PHLPP2: variants seen among roughly 807,000 people sequenced by gnomAD.
The protein encoded by PHLPP2 is PH domain and leucine rich repeat protein phosphatase 2, also known as PH domain leucine-rich repeat-containing protein phosphatase 2.
A neutral mutation model predicts 124.9 loss-of-function variants in PHLPP2; 66 were observed. That is an observed-to-expected ratio of 0.53 (90% CI 0.43 to 0.65). The LOEUF is 0.65. Among genes scored for constraint, PHLPP2 ranks in the 30% least tolerant of loss-of-function variants. The probability of loss-of-function intolerance (pLI) is 0.00; values close to 1 mark genes in which losing one functional copy is unlikely to be tolerated. For missense variants in PHLPP2, 1,685 were observed against 1,600.4 expected (o/e 1.05, Z -0.90); for synonymous variants, 681 against 624.7 (o/e 1.09, Z -1.34).
intron 3 of PHLPP2, among the ~76,000 whole-genome samples, chr16:71,693,275 A>G (rs898205781): frequency 6.6e-6 from 1 of 152,142 alleles, no homozygotes; most frequent in African/African-American, 2.4e-5. Flanking sequence ...GGACAAAGCG[A>G]GACTCTGTCT....
At chr16:71,654,111 C>T (rs1020677378) in intron 17 of PHLPP2, among the ~76,000 whole-genome samples, 7 of 145,640 alleles carry the variant, frequency 4.8e-5, no homozygotes, top group Admixed American at 2.9e-4. Flanking sequence ...AGGAGAATGG[C>T]GTGAACCCGG....
intron 5 of PHLPP2, among the ~76,000 whole-genome samples, chr16:71,682,431 C>A (rs1182133461): frequency 3.3e-5 from 5 of 152,072 alleles, no homozygotes; most frequent in Non-Finnish European, 4.4e-5. Flanking sequence ...AATCCACCCA[C>A]CTCAACCTCC....
chr16:71,659,827 G>A (rs1389447679), intron 13 of PHLPP2, among the ~76,000 whole-genome samples: 1 of 152,116 alleles, frequency 6.6e-6, no homozygotes, highest in Non-Finnish European at 1.5e-5. Flanking sequence ...TTAACATGGA[G>A]AGAAAGTGAA....
chr16:71,649,662 G>A lies in PHLPP2; in HGVS notation c.3200C>T (p.Pro1067Leu). 1 of 1,614,144 alleles carries A rather than the reference G, an allele frequency of 6.2e-7. No homozygotes were observed. Among genetic ancestry groups the A allele is most frequent in the Non-Finnish European group, 8.5e-7 (1 of 1,180,024 alleles). Residue 1067 changes from proline (P) to leucine (L), a missense_variant, in exon 19 of 19, where the codon CCA (proline) becomes CTA (leucine). Pro to Leu is a moderately conservative substitution (Grantham distance 98, BLOSUM62 -3). Coordinates refer to ENST00000568954, the MANE Select transcript of PHLPP2 (RefSeq NM_015020.3). ...STTTIKDAPK[P>L]ATPSSSSGIA... Reference sequence around the variant, plus strand: ...CCCACTGCTAGAGGATGGAGTGGCTGGCTTAGGGGCATCCTTGATAGTGGT... The same window carrying A: ...CCCACTGCTAGAGGATGGAGTGGCTAGCTTAGGGGCATCCTTGATAGTGGT...
chr16:71,685,624 T>C (rs113936481), intron 4 of PHLPP2, among the ~76,000 whole-genome samples: 8 of 152,346 alleles, frequency 5.3e-5, no homozygotes, highest in South Asian at 2.1e-4. Context: ...CCATTTTTCA[T>C]TAGTAACAAA....
chr16:71,696,867 A>G (rs1337845683), intron 3 of PHLPP2, among the ~76,000 whole-genome samples: 3 of 152,018 alleles, frequency 2.0e-5, no homozygotes, highest in African/African-American at 7.2e-5. Context: ...AGGGGTTAAC[A>G]CTGTCATTCA....
In PHLPP2 at chr16:71,649,260, G is replaced by A. The variant is rs769068446; in HGVS notation, c.3602C>T (p.Ser1201Leu). ...TLCSEEHARG[S>L]CFGIRRQNSV... The stretch of plus-strand genomic sequence containing the variant: ...GTTCTGTCTTCGGATCCCAAAACAC[G>A]ACCCTCTAGCATGTTCCTCAGAACA... The change falls in exon 19 of 19, where the codon TCG becomes TTG. Residue 1201 changes from serine (S) to leucine (L), a missense_variant. Ser to Leu is a moderately radical substitution (Grantham distance 145, BLOSUM62 -2). Coordinates refer to ENST00000568954, the MANE Select transcript of PHLPP2 (RefSeq NM_015020.3). 8.1e-6 allele frequency: 13 copies of A among 1,613,916 alleles called. No homozygotes were observed. Among genetic ancestry groups the A allele is most frequent in the Admixed American group, 5.0e-5 (3 of 60,010 alleles).
At chr16:71,691,219 C>G (rs1048841830) in intron 3 of PHLPP2, among the ~76,000 whole-genome samples, 1 of 152,222 alleles carries the variant, frequency 6.6e-6, no homozygotes, top group Non-Finnish European at 1.5e-5. Context: ...TTTGGGGGGG[C>G]CAAGGCGGGC....
chr16:71,703,488 T>C (rs1180530908), intron 2 of PHLPP2, among the ~76,000 whole-genome samples: 2 of 133,932 alleles, frequency 1.5e-5, no homozygotes, highest in East Asian at 2.0e-4. Context: ...AGACTTAAAA[T>C]ACTGAAAAAT....
chr16:71,687,752 C>A (rs1171650193), intron 4 of PHLPP2, among the ~76,000 whole-genome samples: 1 of 152,176 alleles, frequency 6.6e-6, no homozygotes, highest in Non-Finnish European at 1.5e-5. Context: ...CACATTGCCA[C>A]ATCTAAACAC....
At chr16:71,691,198 AAT>A (rs1181129509) in intron 3 of PHLPP2, among the ~76,000 whole-genome samples, 1 of 152,232 alleles carries the variant, frequency 6.6e-6, no homozygotes. Context: ...TCCCGCCTGC[AAT>A]CCCAGCACTT....
intron 10 of PHLPP2, among the ~76,000 whole-genome samples, chr16:71,671,879 A>T (rs1003491582): frequency 2.6e-5 from 4 of 152,042 alleles, no homozygotes; most frequent in Non-Finnish European, 5.9e-5. Flanking sequence ...ACGCCACTGC[A>T]CTCCAGCCTG....
At chr16:71,683,432 A>C (rs897628393) in intron 5 of PHLPP2, among the ~76,000 whole-genome samples, 12 of 152,230 alleles carry the variant, frequency 7.9e-5, no homozygotes, top group Non-Finnish European at 4.4e-5. Context: ...TAATTCACCA[A>C]GGCTGTTCTG....
At chr16:71,650,987 T>C (rs1218473357) in intron 18 of PHLPP2, among the ~76,000 whole-genome samples, 3 of 152,214 alleles carry the variant, frequency 2.0e-5, no homozygotes, top group Admixed American at 2.0e-4. Flanking sequence ...CAATAAATGC[T>C]TGTGGCTAAA....
intron 13 of PHLPP2, 116 bp from the exon 14 acceptor site, chr16:71,658,931 C>T (rs920051598): frequency 1.4e-5 from 12 of 865,464 alleles, no homozygotes; most frequent in Non-Finnish European, 2.0e-5. Context: ...TGCCAGATGA[C>T]TGGTGAGAAA....
chr16:71,719,011 C>A (rs11859729), intron 1 of PHLPP2, among the ~76,000 whole-genome samples: 75,269 of 152,038 alleles, frequency 0.5, 18,960 homozygotes, highest in Middle Eastern at 0.65. Flanking sequence ...CACTGCTTAA[C>A]ACATCAGTTA....
At chr16:71,713,230 T>C (rs2045334970) in intron 2 of PHLPP2, among the ~76,000 whole-genome samples, 1 of 152,202 alleles carries the variant, frequency 6.6e-6, no homozygotes, top group South Asian at 2.1e-4. Flanking sequence ...GACTTTATGA[T>C]TCTCTAATTT....
chr16:71,687,733 C>A (rs1250453909), intron 4 of PHLPP2, among the ~76,000 whole-genome samples: 1 of 152,108 alleles, frequency 6.6e-6, no homozygotes, highest in Non-Finnish European at 1.5e-5. Context: ...TCACATTTTA[C>A]TTAATAAACA....
intron 9 of PHLPP2, among the ~76,000 whole-genome samples, chr16:71,674,674 C>T (rs8061613): frequency 0.46 from 69,365 of 151,942 alleles, 16,378 homozygotes; most frequent in South Asian, 0.63. Flanking sequence ...GAATATATCA[C>T]TACCGATTTG....
Sources: gnomAD v4.1 joint callset for allele counts (sites outside exome capture counted in the v4.1 genomes callset) on GRCh38, gnomAD v4.1.1 for gene constraint, MANE v1.5 for transcripts, NCBI Gene and HGNC (gene_info 2026-07-23, HGNC 2026-07-21) for gene names.